Variants in ZNF804B observed in about 807,000 individuals in gnomAD.
ZNF804B encodes the protein zinc finger protein 804B, also known as zinc finger 804B.
A neutral mutation model predicts 101.4 loss-of-function variants in ZNF804B; 80 were observed. The observed-to-expected ratio is 0.79, with a 90% confidence interval of 0.66 to 0.95. The LOEUF (loss-of-function observed/expected upper bound fraction) is 0.95, where lower values mean the gene tolerates loss of function less well. Among genes scored for constraint, ZNF804B ranks in the 40% least tolerant of loss-of-function variants. The probability of loss-of-function intolerance (pLI) is 0.00; values close to 1 mark genes in which losing one functional copy is unlikely to be tolerated. For missense variants in ZNF804B, 1,673 were observed against 1,561.9 expected (o/e 1.07, Z -1.20); for synonymous variants, 622 against 558.8 (o/e 1.11, Z -1.59).
At chr7:89,214,815 A>G (rs1207042128) in intron 1 of ZNF804B, among the ~76,000 whole-genome samples, 1 of 152,210 alleles carries the variant, frequency 6.6e-6, no homozygotes, top group African/African-American at 2.4e-5. Flanking sequence ...AAGTTGCTAA[A>G]TAAGAGATTC....
intron 1 of ZNF804B, among the ~76,000 whole-genome samples, chr7:88,815,164 TTA>T (rs1790855947): frequency 6.8e-6 from 1 of 148,034 alleles, no homozygotes; most frequent in Non-Finnish European, 1.5e-5. Context: ...ATTCTAAATG[TTA>T]TATATAATAA....
chr7:89,289,564 A>G (rs1166812230), intron 2 of ZNF804B, among the ~76,000 whole-genome samples: 2 of 152,136 alleles, frequency 1.3e-5, no homozygotes, highest in African/African-American at 4.8e-5. Flanking sequence ...GAGTGCAGTC[A>G]TTGAGAGACA....
intron 1 of ZNF804B, among the ~76,000 whole-genome samples, chr7:89,056,760 A>G (rs1052727826): frequency 2.0e-5 from 3 of 152,146 alleles, no homozygotes; most frequent in African/African-American, 7.2e-5. Context: ...CTAAGCAGAT[A>G]GGAGTGGGGG....
At chr7:88,838,366 A>C (rs1380563841) in intron 1 of ZNF804B, among the ~76,000 whole-genome samples, 1 of 151,968 alleles carries the variant, frequency 6.6e-6, no homozygotes, top group Non-Finnish European at 1.5e-5. Context: ...TTGTATTCTT[A>C]AACACCATTT....
rs531836473 is a variant in ZNF804B, at chr7:88,911,390, C to T, written c.108+151306C>T. Among the ~76,000 whole-genome samples, 23 of 149,886 alleles carry T rather than the reference C, an allele frequency of 1.5e-4. No homozygotes were observed. In the East Asian group the frequency reaches 4.5e-3, roughly 29 times the overall value. Reference sequence around the variant, plus strand: ...TTCAAATTCTAGTCATTCTCTAAGGCCCAGTACAAATGTATATATCATTAT... The same window carrying T: ...TTCAAATTCTAGTCATTCTCTAAGGTCCAGTACAAATGTATATATCATTAT... On this transcript the variant is annotated intron_variant, in intron 1 of 3. Transcript: ENST00000333190.
chr7:88,830,568 A>G (rs1174161406), intron 1 of ZNF804B, among the ~76,000 whole-genome samples: 1 of 152,000 alleles, frequency 6.6e-6, no homozygotes, highest in Non-Finnish European at 1.5e-5. Flanking sequence ...TTTTAGACTC[A>G]TATAAAATTT....
chr7:89,058,188 T>G (rs1272909014), intron 1 of ZNF804B, among the ~76,000 whole-genome samples: 1 of 152,152 alleles, frequency 6.6e-6, no homozygotes, highest in Non-Finnish European at 1.5e-5. Flanking sequence ...GCAACCTTTA[T>G]GTTAAAGATC....
At position 89,333,513 on chromosome 7, in the gene ZNF804B, A is replaced by G. The variant is rs187269414; in HGVS notation, c.531A>G (p.Ile177Met). The G allele has an allele frequency of 4.0e-4, 650 of 1,613,518 alleles. 6 individuals carry two copies. The Admixed American group carries it at 0.01, about 25-fold the overall frequency. The change falls in exon 4 of 4, where the codon ATA (isoleucine) becomes ATG (methionine). Residue 177 changes from isoleucine (I) to methionine (M), a missense_variant. Ile to Met is a conservative substitution (Grantham distance 10, BLOSUM62 1). Transcript: ENST00000333190. ...LLKGKNLPRI[I>M]SDKQRSTMPN... ...AAGGAAAAAATCTCCCCAGAATCAT[A>G]TCCGATAAACAGCGGTCCACCATGC... is the stretch of plus-strand genomic sequence containing the variant.
intron 1 of ZNF804B, among the ~76,000 whole-genome samples, chr7:88,845,852 C>A (rs1298719928): frequency 1.3e-5 from 2 of 152,218 alleles, no homozygotes; most frequent in East Asian, 1.9e-4. Flanking sequence ...CTTTTCATCC[C>A]TGTTAGTCAG....
intron 1 of ZNF804B, among the ~76,000 whole-genome samples, chr7:89,161,646 C>A (rs1791066562): frequency 1.0e-5 from 1 of 98,332 alleles, no homozygotes; most frequent in South Asian, 3.5e-4. Context: ...ACCTTAGCCT[C>A]CCAAAGTGCT....
intron 1 of ZNF804B, among the ~76,000 whole-genome samples, chr7:88,919,413 T>C (rs562277045): frequency 2.6e-5 from 4 of 152,192 alleles, no homozygotes; most frequent in South Asian, 2.1e-4. Context: ...TATTCTCAAA[T>C]AAAGGCACGA....
intron 1 of ZNF804B, among the ~76,000 whole-genome samples, chr7:88,945,796 T>A (rs963898677): frequency 3.9e-5 from 6 of 152,134 alleles, no homozygotes; most frequent in African/African-American, 1.4e-4. Context: ...CTTGAAGAGA[T>A]CCTTCACATC....
chr7:89,112,484 G>A (rs879792614), intron 1 of ZNF804B, among the ~76,000 whole-genome samples: 30 of 152,088 alleles, frequency 2.0e-4, no homozygotes, highest in Non-Finnish European at 4.0e-4. Flanking sequence ...CTATTTGTCT[G>A]TTCTTTTGCC....
chr7:89,028,636 C>T (rs1788785190), intron 1 of ZNF804B, among the ~76,000 whole-genome samples: 1 of 152,150 alleles, frequency 6.6e-6, no homozygotes, highest in Non-Finnish European at 1.5e-5. Context: ...GCAGGGCATG[C>T]CATACAGTAA....
intron 1 of ZNF804B, among the ~76,000 whole-genome samples, chr7:88,829,593 C>A (rs144049889): frequency 2.6e-4 from 39 of 151,574 alleles, no homozygotes; most frequent in Non-Finnish European, 4.7e-4. Flanking sequence ...TGAAGAAAGT[C>A]TCATATAATA....
chr7:89,198,431 C>A (rs572802949), intron 1 of ZNF804B, among the ~76,000 whole-genome samples: 1 of 151,922 alleles, frequency 6.6e-6, no homozygotes, highest in African/African-American at 2.4e-5. Context: ...GTTTGTAAGA[C>A]TACATATTTT....
At chr7:89,000,646 C>T (rs1788272445) in intron 1 of ZNF804B, among the ~76,000 whole-genome samples, 2 of 151,656 alleles carry the variant, frequency 1.3e-5, no homozygotes, top group African/African-American at 2.4e-5. Context: ...TTTTCCTGCT[C>T]ACTGCCTCTG....
chr7:88,823,715 C>A (rs1296634337), intron 1 of ZNF804B, among the ~76,000 whole-genome samples: 1 of 152,058 alleles, frequency 6.6e-6, no homozygotes, highest in Non-Finnish European at 1.5e-5. Context: ...ACTAGTTGGA[C>A]AAGGACAGCT....
intron 1 of ZNF804B, among the ~76,000 whole-genome samples, chr7:89,196,847 A>T (rs1369843917): frequency 1.3e-5 from 2 of 152,034 alleles, no homozygotes; most frequent in Non-Finnish European, 2.9e-5. Context: ...CATATGTACG[A>T]TCAACAAACA....
Sources: allele counts gnomAD v4.1 joint callset (sites outside exome capture counted in the v4.1 genomes callset), GRCh38; gene constraint gnomAD v4.1.1; transcripts MANE v1.5; gene names NCBI Gene and HGNC (gene_info 2026-07-23, HGNC 2026-07-21).